The following WWOX variants were observed in gnomAD, a reference collection of about 807,000 sequenced individuals.
WWOX encodes WW domain containing oxidoreductase.
A neutral mutation model predicts 46.2 loss-of-function variants in WWOX; 69 were observed. That is an observed-to-expected ratio of 1.49 (90% CI 1.23 to 1.82). WWOX has a LOEUF of 1.82. Ranked by LOEUF, WWOX falls within the 40% of genes most tolerant of loss-of-function variation. WWOX has a pLI of 0.00. For synonymous variants in WWOX, 359 were observed against 202.6 expected (o/e 1.77, Z -6.56); for missense variants, 919 against 542.6 (o/e 1.69, Z -6.89).
intron 8 of WWOX, among the ~76,000 whole-genome samples, chr16:78,881,600 A>C (rs2044345094): frequency 6.6e-6 from 1 of 152,162 alleles, no homozygotes; most frequent in Non-Finnish European, 1.5e-5. Flanking sequence ...AGTAATTGTG[A>C]CTTGATGTAA....
At chr16:78,781,245 G>T (rs2050316232) in intron 8 of WWOX, among the ~76,000 whole-genome samples, 2 of 152,130 alleles carry the variant, frequency 1.3e-5, no homozygotes, top group African/African-American at 2.4e-5. Flanking sequence ...ATGTCTGCCT[G>T]GAACTGGGCA....
chr16:78,102,652 G>A (rs1217439605), intron 1 of WWOX, among the ~76,000 whole-genome samples: 2 of 152,142 alleles, frequency 1.3e-5, no homozygotes, highest in Non-Finnish European at 1.5e-5. Context: ...TCTTAACTGT[G>A]GGTGTCCCCT....
At chr16:78,490,863 G>T (rs943662440) in intron 8 of WWOX, among the ~76,000 whole-genome samples, 2 of 152,136 alleles carry the variant, frequency 1.3e-5, no homozygotes, top group African/African-American at 4.8e-5. Flanking sequence ...ATCACCATTT[G>T]CTCTACTGCA....
chr16:78,967,210 G>T (rs13339134), intron 8 of WWOX, among the ~76,000 whole-genome samples: 2 of 150,864 alleles, frequency 1.3e-5, no homozygotes, highest in African/African-American at 4.9e-5. Context: ...AGGAAAATGC[G>T]TGATTCAAAT....
chr16:78,965,547 G>A, intron 8 of WWOX, among the ~76,000 whole-genome samples: 1 of 150,210 alleles, frequency 6.7e-6, no homozygotes, highest in Admixed American at 6.7e-5. Flanking sequence ...TCCAGCCTGG[G>A]TAACGAGCAA....
At chr16:78,612,971 C>T (rs1396172716) in intron 8 of WWOX, among the ~76,000 whole-genome samples, 3 of 152,212 alleles carry the variant, frequency 2.0e-5, no homozygotes, top group Non-Finnish European at 2.9e-5. Flanking sequence ...CCTTGCCTTT[C>T]ACCCTACCTG....
intron 5 of WWOX, among the ~76,000 whole-genome samples, chr16:78,370,120 A>C (rs1391403368): frequency 9.2e-6 from 1 of 108,362 alleles, no homozygotes; most frequent in Admixed American, 1.2e-4. Flanking sequence ...AGACAGAGCA[A>C]GACTGTCTCC....
intron 8 of WWOX, among the ~76,000 whole-genome samples, chr16:79,071,977 T>C (rs1454703901): frequency 2.0e-5 from 3 of 152,212 alleles, no homozygotes; most frequent in Non-Finnish European, 4.4e-5. Flanking sequence ...CGTTCTTTTT[T>C]GTATTAGCTT....
chr16:78,893,543 C>G (rs562767259), intron 8 of WWOX, among the ~76,000 whole-genome samples: 7 of 152,322 alleles, frequency 4.6e-5, no homozygotes, highest in Non-Finnish European at 7.3e-5. Flanking sequence ...CCACCCACTC[C>G]TCTCTCAGAC....
At position 79,073,309 on chromosome 16, in the gene WWOX, A is replaced by T. The variant is rs532062857; in HGVS notation, c.1057-138299A>T. 3.6e-3 allele frequency among the ~76,000 whole-genome samples: 549 copies of T among 151,986 alleles called. 2 individuals are homozygous for T. The highest frequency in any genetic ancestry group is 6.5e-3 in the Non-Finnish European group (445 of 67,972). ...GTTCTTCTGCCTCAGCTTCCTGAGTAGCTGGGATTACAGGTGCACGCCGCC... is the reference window on the plus strand; with the variant it reads ...GTTCTTCTGCCTCAGCTTCCTGAGTTGCTGGGATTACAGGTGCACGCCGCC... On this transcript the variant is annotated intron_variant, in intron 8 of 8. Transcript: ENST00000566780.
chr16:79,185,284 G>A (rs1324395312), intron 8 of WWOX, among the ~76,000 whole-genome samples: 1 of 152,156 alleles, frequency 6.6e-6, no homozygotes, highest in Non-Finnish European at 1.5e-5. Context: ...TTCAATAAGA[G>A]CAGAGGCAGT....
chr16:78,639,936 G>T (rs2046663005), intron 8 of WWOX, among the ~76,000 whole-genome samples: 1 of 152,138 alleles, frequency 6.6e-6, no homozygotes, highest in Admixed American at 6.5e-5. Context: ...AACTGTGGAG[G>T]GAGTGGGAGG....
At chr16:78,639,338 C>A (rs1456776862) in intron 8 of WWOX, among the ~76,000 whole-genome samples, 1 of 152,176 alleles carries the variant, frequency 6.6e-6, no homozygotes, top group African/African-American at 2.4e-5. Context: ...CCTGGGCTCA[C>A]ACCTTGCCGT....
intron 8 of WWOX, among the ~76,000 whole-genome samples, chr16:78,651,931 A>G (rs561419824): frequency 5.9e-5 from 9 of 152,242 alleles, no homozygotes; most frequent in African/African-American, 1.2e-4. Flanking sequence ...GTAAAATGCA[A>G]TGGCAGGCAC....
At chr16:78,339,297 G>C (rs1458821792) in intron 5 of WWOX, among the ~76,000 whole-genome samples, 1 of 109,384 alleles carries the variant, frequency 9.1e-6, no homozygotes, top group Non-Finnish European at 2.1e-5. Flanking sequence ...AATTTGCTGA[G>C]TTTGTGATGT....
At chr16:78,476,261 A>T (rs1364110116) in intron 8 of WWOX, among the ~76,000 whole-genome samples, 2 of 152,210 alleles carry the variant, frequency 1.3e-5, no homozygotes, top group African/African-American at 4.8e-5. Context: ...TGTTGGCTGC[A>T]TAAATGTCTT....
chr16:78,691,895 T>C (rs865930556), intron 8 of WWOX, among the ~76,000 whole-genome samples: 22 of 152,308 alleles, frequency 1.4e-4, no homozygotes, highest in African/African-American at 4.3e-4. Context: ...GGGGAGGTAA[T>C]TGAATCATGG....
intron 8 of WWOX, among the ~76,000 whole-genome samples, chr16:78,614,219 C>G (rs1180423057): frequency 6.6e-6 from 1 of 152,222 alleles, no homozygotes; most frequent in Non-Finnish European, 1.5e-5. Context: ...ATTGAAAGAA[C>G]TATCTGTGTT....
chr16:78,507,861 C>T (rs1362636595), intron 8 of WWOX, among the ~76,000 whole-genome samples: 2 of 152,116 alleles, frequency 1.3e-5, no homozygotes, highest in African/African-American at 4.8e-5. Context: ...AACCCATGGC[C>T]CCCGGGTCGC....
Sources: gnomAD v4.1 joint callset for allele counts (sites outside exome capture counted in the v4.1 genomes callset) on GRCh38, gnomAD v4.1.1 for gene constraint, MANE v1.5 for transcripts, NCBI Gene and HGNC (gene_info 2026-07-23, HGNC 2026-07-21) for gene names.